RCN2: variants seen among roughly 807,000 people sequenced by gnomAD.
The protein encoded by RCN2 is reticulocalbin 2.
Under a neutral mutation model 37.5 loss-of-function variants are expected in RCN2, and 23 were observed. The observed-to-expected ratio is 0.61, with a 90% CI of 0.44 to 0.87. RCN2 has a LOEUF of 0.87. RCN2 is among the 40% of genes least tolerant of loss of function. RCN2 has a pLI of 0.00. For missense variants in RCN2, 381 were observed against 390.4 expected, an observed-to-expected ratio of 0.98 and a Z score of 0.20; for synonymous variants, 140 against 144.6, an observed-to-expected ratio of 0.97 and a Z score of 0.23.
chr15:76,937,296 T>C (rs1438275243), intron 3 of RCN2, among the ~76,000 whole-genome samples: 2 of 152,218 alleles, frequency 1.3e-5, no homozygotes, highest in Admixed American at 6.5e-5. Flanking sequence ...TTTCCATTGG[T>C]TTGGGTATAT....
intron 3 of RCN2, chr15:76,942,960 A>T (rs964707930): frequency 2.0e-5 from 3 of 152,190 alleles, no homozygotes; most frequent in Non-Finnish European, 4.4e-5. Flanking sequence ...CCCAAAAAAG[A>T]AAAGATTTCC....
chr15:76,948,782 TG>T, intron 6 of RCN2: 1 of 525,570 alleles, frequency 1.9e-6, no homozygotes, highest in African/African-American at 1.9e-5. Context: ...AATAATAGTT[TG>T]TATTTACCTA....
intron 3 of RCN2, among the ~76,000 whole-genome samples, chr15:76,941,040 T>G (rs191926221): frequency 1.3e-5 from 2 of 152,152 alleles, no homozygotes; most frequent in East Asian, 3.9e-4. Context: ...TTTTTGTTTT[T>G]GTTTTTGTTT....
chr15:76,946,597 T>C (rs1015283405), intron 4 of RCN2, among the ~76,000 whole-genome samples: 1 of 151,942 alleles, frequency 6.6e-6, no homozygotes, highest in Admixed American at 6.6e-5. Flanking sequence ...ACTAAAAATA[T>C]AAAAGTTAGC....
intron 3 of RCN2, chr15:76,941,528 G>A: frequency 2.0e-6 from 1 of 489,518 alleles, no homozygotes; most frequent in Non-Finnish European, 3.6e-6. Flanking sequence ...TTTTATTACT[G>A]TACCTAACAC....
rs1348816398 is a variant in RCN2, at chr15:76,954,365, G to A, written c.*5143G>A. 5.9e-5 allele frequency: 9 copies of A among 151,864 alleles called. No individual in the cohort carries two copies. Among genetic ancestry groups the A allele is most frequent in the Admixed American group, 3.3e-4 (5 of 15,250 alleles). 9.4% of individuals were successfully genotyped at this position (151,864 alleles called of 1,614,324 possible). A position where few individuals can be genotyped will look rare whatever the true frequency, so the allele number is the denominator to read the frequency against. On this transcript the variant is annotated 3_prime_UTR_variant, in exon 7 of 7. Coordinates refer to ENST00000394885, the MANE Select transcript of RCN2 (RefSeq NM_002902.3). The stretch of plus-strand genomic sequence containing the variant: ...ACTAATTTGCTTCATTGCAACATTT[G>A]AGTTCTGTCGAATAAATATTTGGCC...
chr15:76,935,437 T>C, intron 2 of RCN2, 89 bp from the exon 3 acceptor site: 3 of 946,048 alleles, frequency 3.2e-6, no homozygotes, highest in Non-Finnish European at 4.9e-6. Context: ...ACATCAAAGA[T>C]TTTGCCTTTT....
chr15:76,941,515 CT>C (rs1158019203), intron 3 of RCN2: 1 of 443,528 alleles, frequency 2.3e-6, no homozygotes, highest in African/African-American at 2.0e-5. Context: ...ATTATGGTAG[CT>C]TTTTTATTAC....
rs1054532053 is a variant in RCN2 at position 76,951,717 on chromosome 15, T to C, written c.*2495T>C. 2 of 152,238 alleles carry C rather than the reference T, an allele frequency of 1.3e-5. No individual in the cohort carries two copies. Among genetic ancestry groups the C allele is most frequent in the African/African-American group, 4.8e-5 (2 of 41,450 alleles). The allele number at this position is 152,238 out of a possible 1,614,324, so 9.4% of individuals were successfully genotyped here. The stretch of plus-strand genomic sequence containing the variant: ...GCTTTTATTTTGGTTTTAATATAAT[T>C]AGGATAATTTGAATTTATCCTTGAG... On this transcript the variant is annotated 3_prime_UTR_variant, in exon 7 of 7. Coordinates refer to ENST00000394885, the MANE Select transcript of RCN2 (RefSeq NM_002902.3).
chr15:76,937,386 G>A (rs2075255905), intron 3 of RCN2, among the ~76,000 whole-genome samples: 1 of 151,558 alleles, frequency 6.6e-6, no homozygotes, highest in Non-Finnish European at 1.5e-5. Context: ...TTTTCATAGT[G>A]AGTACACCCT....
chr15:76,939,980 C>T (rs192940321), intron 3 of RCN2, among the ~76,000 whole-genome samples: 452 of 152,228 alleles, frequency 3.0e-3, no homozygotes, highest in Non-Finnish European at 4.2e-3. Flanking sequence ...ATTCTGTGTT[C>T]TCCACCAGCT....
chr15:76,943,323 T>G (rs2075282977), intron 3 of RCN2: 1 of 152,898 alleles, frequency 6.5e-6, no homozygotes, highest in Non-Finnish European at 1.5e-5. Flanking sequence ...TGCGCCACTA[T>G]GCCATGCTCA....
At position 76,931,782 on chromosome 15, in the gene RCN2, G is replaced by C. The variant is rs1399073826; in HGVS notation, c.-60G>C. The C allele has an allele frequency of 8.5e-7, 1 of 1,176,424 alleles. No individual in the cohort carries two copies. Among genetic ancestry groups the C allele is most frequent in the African/African-American group, 1.6e-5 (1 of 62,178 alleles). 72.9% of individuals were successfully genotyped at this position (1,176,424 alleles called of 1,614,324 possible). ...AGCCGCCCGCGGAGCATCGCAGCCG[G>C]CCCGGGCCCCCGCCAGCCTCCCTCC... is the stretch of plus-strand genomic sequence containing the variant. On this transcript the variant is annotated 5_prime_UTR_variant, in exon 1 of 7. Coordinates refer to ENST00000394885, the MANE Select transcript of RCN2 (RefSeq NM_002902.3).
rs1404682778 is a variant in RCN2, at chr15:76,953,553, TTCTATA to T, written c.*4333_*4338del. On this transcript the variant is annotated 3_prime_UTR_variant, in exon 7 of 7. Coordinates refer to ENST00000394885, the MANE Select transcript of RCN2 (RefSeq NM_002902.3). ...GTGGGATTGCTGGATCATATAGTAA[TTCTATA>T]TATATATATATATATATATATATAT... 1.3e-5 allele frequency: 1 copy of T among 77,528 alleles called. No homozygotes were observed. Among genetic ancestry groups the T allele is most frequent in the East Asian group, 4.1e-4 (1 of 2,450 alleles). The allele number at this position is 77,528 out of a possible 1,614,324, so 4.8% of individuals were successfully genotyped here.
intron 4 of RCN2, among the ~76,000 whole-genome samples, chr15:76,946,662 G>T (rs147814209): frequency 6.6e-6 from 1 of 152,258 alleles, no homozygotes; most frequent in East Asian, 1.9e-4. Flanking sequence ...TGAGGCAGGA[G>T]ATTTGCTTGA....
chr15:76,932,378 T>A lies in RCN2; in HGVS notation c.162T>A (p.Tyr54Ter). The change falls in exon 2 of 7, where the codon TAT (tyrosine) becomes TAA (stop). Residue 54 changes from tyrosine (Y) to a stop codon, truncating the protein, a stop_gained. Coordinates refer to ENST00000394885, the MANE Select transcript of RCN2 (RefSeq NM_002902.3). LOFTEE classifies it high-confidence loss of function. ...CCCTAAAGGAAGATGTGGATGAATA[T>A]GTTAAACTCGGCCACGAAGAGCAGC... ...LLGVQEDVDE[Y>*]VKLGHEEQQK... The A allele has an allele frequency of 6.2e-7, 1 of 1,613,738 alleles. No homozygotes were observed. Among genetic ancestry groups the A allele is most frequent in the Non-Finnish European group, 8.5e-7 (1 of 1,179,754 alleles).
At chr15:76,941,703 T>C (rs948449945) in intron 3 of RCN2, 108 of 1,397,746 alleles carry the variant, frequency 7.7e-5, no homozygotes, top group Non-Finnish European at 1.0e-4. Flanking sequence ...GAGCTATTCT[T>C]ATTTTGTGTT....
rs2075312212 is a variant in RCN2 at position 76,949,907 on chromosome 15, TG to T, written c.*686del. 8.0e-6 allele frequency: 1 copy of T among 124,992 alleles called. No homozygotes were observed. The highest frequency in any genetic ancestry group is 1.7e-5 in the Non-Finnish European group (1 of 59,176). The allele number at this position is 124,992 out of a possible 1,614,324, so 7.7% of individuals were successfully genotyped here. On this transcript the variant is annotated 3_prime_UTR_variant, in exon 7 of 7. Coordinates refer to ENST00000394885, the MANE Select transcript of RCN2 (RefSeq NM_002902.3). ...TTAAAAATGAAATGTCCTTTGTATA[TG>T]TTTGTTTGCTTTTCTTTAACTTTCA...
At chr15:76,944,787 G>A (rs373770212) in intron 4 of RCN2, among the ~76,000 whole-genome samples, 29 of 152,202 alleles carry the variant, frequency 1.9e-4, no homozygotes, top group African/African-American at 7.0e-4. Context: ...GTTGATGTAC[G>A]CTTGGGTTGC....
Sources: gnomAD v4.1 joint callset for allele counts (sites outside exome capture counted in the v4.1 genomes callset) on GRCh38, gnomAD v4.1.1 for gene constraint, MANE v1.5 for transcripts, NCBI Gene and HGNC (gene_info 2026-07-23, HGNC 2026-07-21) for gene names.